Variants in DNAH8 observed in about 807,000 individuals in gnomAD.
The protein encoded by DNAH8 is dynein axonemal heavy chain 8, also known as axonemal beta dynein heavy chain 8.
DNAH8 carries 382 observed loss-of-function variants against 562.1 expected under a neutral mutation model. The ratio of observed to expected loss-of-function variants is 0.68; its 90% CI spans 0.63 to 0.74. The LOEUF (loss-of-function observed/expected upper bound fraction) is 0.74. DNAH8 is among the 30% of genes least tolerant of loss of function. The pLI is 0.00. For missense variants in DNAH8, 5,203 were observed against 5,620.4 expected (o/e 0.93, Z 2.37); for synonymous variants, 1,881 against 1,919.4 (o/e 0.98, Z 0.52).
intron 68 of DNAH8, among the ~76,000 whole-genome samples, chr6:38,915,925 C>T (rs1298810703): frequency 3.3e-5 from 5 of 152,034 alleles, no homozygotes; most frequent in Non-Finnish European, 7.4e-5. Flanking sequence ...CATATATACA[C>T]ACGTGTATAT....
At chr6:38,743,589 G>A (rs1316249572) in intron 8 of DNAH8, among the ~76,000 whole-genome samples, 1 of 151,770 alleles carries the variant, frequency 6.6e-6, no homozygotes, top group Non-Finnish European at 1.5e-5. Flanking sequence ...GTCTAGATTT[G>A]CCTATTCTGG....
intron 84 of DNAH8, among the ~76,000 whole-genome samples, 154 bp downstream of exon 84, chr6:38,973,967 A>G (rs1184758704): frequency 1.3e-5 from 2 of 152,222 alleles, no homozygotes; most frequent in African/African-American, 4.8e-5. Context: ...CAAAATCTTG[A>G]CATCAAGGTT....
At chr6:38,888,338 G>C (rs1441805102) in intron 57 of DNAH8, among the ~76,000 whole-genome samples, 1 of 151,766 alleles carries the variant, frequency 6.6e-6, no homozygotes, top group Non-Finnish European at 1.5e-5. Flanking sequence ...AGTAGGAAAG[G>C]ATTTCATAAA....
intron 11 of DNAH8, among the ~76,000 whole-genome samples, chr6:38,764,942 C>G (rs1582941943): frequency 6.6e-6 from 1 of 152,230 alleles, no homozygotes; most frequent in East Asian, 1.9e-4. Flanking sequence ...TCAAGCAATT[C>G]TCCGGTTTCA....
At chr6:38,903,257 T>C (rs1215735280) in intron 62 of DNAH8, among the ~76,000 whole-genome samples, 3 of 152,116 alleles carry the variant, frequency 2.0e-5, no homozygotes, top group Admixed American at 2.0e-4. Context: ...GTACAGGAAG[T>C]GTGATGCTGG....
chr6:39,016,483 G>A lies in DNAH8; in HGVS notation c.13714+3846G>A, dbSNP rs141253392. On this transcript the variant is annotated intron_variant, in intron 91 of 92. Coordinates refer to ENST00000327475, the MANE Select transcript of DNAH8 (RefSeq NM_001206927.2). ...GGAGAATGGCGTGAACCTAGGAGGCGGAGCTTGCAGTGGGCCGAGATCGCG... is the reference window on the plus strand; with the variant it reads ...GGAGAATGGCGTGAACCTAGGAGGCAGAGCTTGCAGTGGGCCGAGATCGCG... Among the ~76,000 whole-genome samples, 1,666 of 151,700 alleles carry A rather than the reference G, an allele frequency of 0.011. 109 individuals carry two copies. The East Asian group carries it at 0.16, about 14-fold the overall frequency.
rs111396453 is a variant in DNAH8, at chr6:38,722,581, G to T, written c.-34-195G>T. 0.3 allele frequency among the ~76,000 whole-genome samples: 45,328 copies of T among 150,772 alleles called. 7,024 individuals are homozygous for T. Among genetic ancestry groups the T allele is most frequent in the Admixed American group, 0.35 (5,330 of 15,142 alleles). ...GTCTGAAAAAGCTCCCAGGTGGGTGGGGGTGTGTGTGTGTGTGTGTGTGCT... is the reference window on the plus strand; with the variant it reads ...GTCTGAAAAAGCTCCCAGGTGGGTGTGGGTGTGTGTGTGTGTGTGTGTGCT... On this transcript the variant is annotated intron_variant, in intron 1 of 92. Transcript: ENST00000327475.
intron 32 of DNAH8, among the ~76,000 whole-genome samples, chr6:38,836,516 C>CAAAA (rs35716203): frequency 1.5e-5 from 2 of 129,312 alleles, no homozygotes; most frequent in African/African-American, 2.9e-5. Context: ...AAAACCATCT[C>CAAAA]AAAAAAAAAA....
chr6:38,992,264 A>G (rs1336687041), intron 88 of DNAH8, among the ~76,000 whole-genome samples: 1 of 152,176 alleles, frequency 6.6e-6, no homozygotes, highest in African/African-American at 2.4e-5. Flanking sequence ...CACCGCACCC[A>G]GCCTCATACT....
intron 87 of DNAH8, among the ~76,000 whole-genome samples, chr6:38,989,619 C>T (rs1011460990): frequency 5.9e-5 from 9 of 152,078 alleles, no homozygotes; most frequent in African/African-American, 1.2e-4. Flanking sequence ...AGCCCCATGT[C>T]GGGGAGAAGT....
chr6:38,872,649 T>C lies in DNAH8; in HGVS notation c.7104T>C (p.Pro2368=), dbSNP rs749561991. The C allele has an allele frequency of 9.9e-6, 16 of 1,613,980 alleles. No homozygotes were observed. The highest frequency in any genetic ancestry group is 1.3e-5 in the African/African-American group (1 of 74,922). The change falls in exon 50 of 93, where the codon CCT becomes CCC. Residue 2368 remains proline, a synonymous_variant. Transcript: ENST00000327475. ...LMKAQTECGR[P]HREMRMNPKA... is the part of the protein sequence containing the mutation. Reference sequence around the variant, plus strand: ...AGGCGCAAACAGAATGCGGAAGGCCTCATAGAGAAATGCGAATGAATCCAA... The same window carrying C: ...AGGCGCAAACAGAATGCGGAAGGCCCCATAGAGAAATGCGAATGAATCCAA...
chr6:38,863,565 C>T (rs927969254), intron 44 of DNAH8, among the ~76,000 whole-genome samples: 1 of 152,196 alleles, frequency 6.6e-6, no homozygotes, highest in Non-Finnish European at 1.5e-5. Flanking sequence ...CTATCCTTTA[C>T]TCCGCTCTTT....
At chr6:38,882,596 A>C (rs1167473303) in intron 53 of DNAH8, among the ~76,000 whole-genome samples, 1 of 152,100 alleles carries the variant, frequency 6.6e-6, no homozygotes. Context: ...GGATCAAAAC[A>C]CTACTTATTG....
At chr6:38,843,184 A>T (rs919839040) in intron 35 of DNAH8, among the ~76,000 whole-genome samples, 5 of 152,154 alleles carry the variant, frequency 3.3e-5, no homozygotes, top group African/African-American at 9.7e-5. Flanking sequence ...CTTAAAAAAA[A>T]TTTGTTTATT....
chr6:38,812,037 T>G (rs1771843583), intron 24 of DNAH8, among the ~76,000 whole-genome samples: 2 of 152,190 alleles, frequency 1.3e-5, no homozygotes, highest in South Asian at 4.1e-4. Flanking sequence ...CTGCAGGAAG[T>G]AAGTTGACGC....
chr6:38,859,729 A>G (rs556203699), intron 42 of DNAH8, among the ~76,000 whole-genome samples: 55 of 152,326 alleles, frequency 3.6e-4, no homozygotes, highest in African/African-American at 1.3e-3. Flanking sequence ...ATCCATGGCT[A>G]TGAGAGCCCA....
chr6:38,881,115 A>T (rs542847217), intron 53 of DNAH8, among the ~76,000 whole-genome samples: 1 of 138,516 alleles, frequency 7.2e-6, no homozygotes, highest in South Asian at 2.9e-4. Flanking sequence ...AATGCCAAAT[A>T]TTGGTGCCGT....
rs185462101 is a variant in DNAH8, at chr6:38,916,486, G to C, written c.10141-753G>C. 2.0e-3 allele frequency among the ~76,000 whole-genome samples: 305 copies of C among 152,240 alleles called. 2 individuals are homozygous for C. The highest frequency in any genetic ancestry group is 2.4e-3 in the Non-Finnish European group (163 of 68,006). On this transcript the variant is annotated intron_variant, in intron 68 of 92. Transcript: ENST00000327475. Reference sequence around the variant, plus strand: ...GCTTTGCCATTTTCAGAGGTTATGAGGACAAGACTATTTTGGTTTGCTTTG... The same window carrying C: ...GCTTTGCCATTTTCAGAGGTTATGACGACAAGACTATTTTGGTTTGCTTTG...
rs775711015 is a variant in DNAH8, at chr6:38,951,485, A to G, written c.12416A>G (p.Asn4139Ser). Residue 4139 changes from asparagine to serine, a missense_variant, in exon 82 of 93, where the codon AAT becomes AGT. Transcript: ENST00000327475. Reference sequence around the variant, plus strand: ...CTGTCCATGGGATCTGACCCCACCAATCAAATTGATGCATTGGCCAAGAAA... The same window carrying G: ...CTGTCCATGGGATCTGACCCCACCAGTCAAATTGATGCATTGGCCAAGAAA... ...CFLSMGSDPTNQIDALAKKLK... is the reference protein window; with the variant it reads ...CFLSMGSDPTSQIDALAKKLK... The G allele has an allele frequency of 5.6e-5, 91 of 1,613,950 alleles. No individual in the cohort carries two copies. Among genetic ancestry groups the G allele is most frequent in the Non-Finnish European group, 7.2e-5 (85 of 1,180,008 alleles).
Sources: gnomAD v4.1 joint callset for allele counts (sites outside exome capture counted in the v4.1 genomes callset) on GRCh38, gnomAD v4.1.1 for gene constraint, MANE v1.5 for transcripts, NCBI Gene and HGNC (gene_info 2026-07-23, HGNC 2026-07-21) for gene names.